Variants in RBM20 observed in about 807,000 individuals in gnomAD.
RBM20 encodes RNA-binding protein 20.
In RBM20, 51 loss-of-function variants were observed where a neutral mutation model predicts 110.1. That is an observed-to-expected ratio of 0.46 (90% CI 0.37 to 0.59). The LOEUF (loss-of-function observed/expected upper bound fraction) is 0.59. RBM20 is among the 20% of genes least tolerant of loss of function. RBM20 has a pLI of 0.00. For missense variants in RBM20, 1,512 were observed against 1,574.9 expected (o/e 0.96, Z 0.68); for synonymous variants, 589 against 618.2 (o/e 0.95, Z 0.70).
chr10:110,796,175 T>C (rs1844547816), intron 5 of RBM20, among the ~76,000 whole-genome samples: 1 of 152,226 alleles, frequency 6.6e-6, no homozygotes, highest in African/African-American at 2.4e-5. Context: ...AGGTTCAGCA[T>C]GTCTCATCTT....
rs1201270166 is a variant in RBM20 at position 110,781,706 on chromosome 10, G to A, written c.1097G>A (p.Gly366Asp). ...GACAGGACACCTCCTTCCTTCGGGGGTCGGCTTAACAACAGCAAACAGGGT... is the reference window on the plus strand; with the variant it reads ...GACAGGACACCTCCTTCCTTCGGGGATCGGCTTAACAACAGCAAACAGGGT... ...TSDRTPPSFG[G>D]RLNNSKQGFI... The change falls in exon 2 of 14, where the codon GGT becomes GAT. Residue 366 changes from glycine to aspartate, a missense_variant. Coordinates refer to ENST00000369519, the MANE Select transcript of RBM20 (RefSeq NM_001134363.3). The A allele has an allele frequency of 1.3e-6, 2 of 1,550,968 alleles. No individual in the cohort carries two copies. Among genetic ancestry groups the A allele is most frequent in the Non-Finnish European group, 1.7e-6 (2 of 1,146,304 alleles).
At chr10:110,665,846 G>A (rs1862167364) in intron 1 of RBM20, among the ~76,000 whole-genome samples, 3 of 152,154 alleles carry the variant, frequency 2.0e-5, no homozygotes, top group African/African-American at 7.2e-5. Context: ...TTGGCTGGGT[G>A]TTGTGGCTCA....
At chr10:110,669,763 C>T (rs1196500126) in intron 1 of RBM20, among the ~76,000 whole-genome samples, 1 of 152,174 alleles carries the variant, frequency 6.6e-6, no homozygotes, top group Admixed American at 6.5e-5. Context: ...CCCAGCCAAA[C>T]TGACATTTTT....
chr10:110,788,583 C>T (rs1436072363), intron 5 of RBM20, among the ~76,000 whole-genome samples: 1 of 152,182 alleles, frequency 6.6e-6, no homozygotes, highest in Non-Finnish European at 1.5e-5. Flanking sequence ...AGACGCTGGT[C>T]CCCCGGTTTG....
At chr10:110,772,145 G>A (rs370807748) in intron 1 of RBM20, among the ~76,000 whole-genome samples, 23 of 152,132 alleles carry the variant, frequency 1.5e-4, no homozygotes, top group African/African-American at 5.3e-4. Context: ...TTGCATCTCC[G>A]ACAAACCAAC....
At chr10:110,670,587 C>T (rs1271870242) in intron 1 of RBM20, among the ~76,000 whole-genome samples, 2 of 152,172 alleles carry the variant, frequency 1.3e-5, no homozygotes, top group Non-Finnish European at 2.9e-5. Context: ...CGGCTGAGAA[C>T]GGTGCTAATT....
intron 5 of RBM20, among the ~76,000 whole-genome samples, chr10:110,791,884 A>G (rs1256630758): frequency 7.3e-6 from 1 of 137,294 alleles, no homozygotes; most frequent in African/African-American, 2.6e-5. Flanking sequence ...TCTGCTGGAA[A>G]GTTTTCAGTG....
intron 1 of RBM20, among the ~76,000 whole-genome samples, chr10:110,710,496 C>CTGGG (rs57154149): frequency 0.28 from 41,941 of 151,982 alleles, 6,022 homozygotes; most frequent in East Asian, 0.32. Flanking sequence ...GGCTGCCCCA[C>CTGGG]TGGGCCTCCT....
At chr10:110,697,909 T>C (rs1462296010) in intron 1 of RBM20, among the ~76,000 whole-genome samples, 2 of 128,140 alleles carry the variant, frequency 1.6e-5, no homozygotes, top group Admixed American at 8.0e-5. Context: ...TTCTTTTTTT[T>C]TTTCTTTTTT....
chr10:110,810,817 G>GCA (rs1281159446), intron 8 of RBM20, among the ~76,000 whole-genome samples: 2 of 151,180 alleles, frequency 1.3e-5, no homozygotes, highest in African/African-American at 4.9e-5. Flanking sequence ...GTGTGTGTGC[G>GCA]TGTGTGCGTG....
chr10:110,808,060 C>G (rs879530687), intron 7 of RBM20, among the ~76,000 whole-genome samples: 3 of 152,250 alleles, frequency 2.0e-5, no homozygotes, highest in African/African-American at 7.2e-5. Context: ...TTTCAGGGAC[C>G]AGCCATCCCA....
At chr10:110,660,405 A>G (rs946186765) in intron 1 of RBM20, among the ~76,000 whole-genome samples, 4 of 152,148 alleles carry the variant, frequency 2.6e-5, no homozygotes, top group African/African-American at 7.2e-5. Context: ...GTCTTCTAGC[A>G]TAAGGATCCC....
rs986149118 is a variant in RBM20, at chr10:110,799,768, T to A, written c.1669-19T>A. The A allele has an allele frequency of 1.3e-6, 2 of 1,547,582 alleles. No individual in the cohort carries two copies. Among genetic ancestry groups the A allele is most frequent in the Non-Finnish European group, 1.7e-6 (2 of 1,145,076 alleles). On this transcript the variant is annotated intron_variant, in intron 6 of 13. Transcript: ENST00000369519. Reference sequence around the variant, plus strand: ...CCATTAAAGTCAAGTCCAGTGAGTGTCCTTCCTTTCTTTCTTAGGCCTTTT... The same window carrying A: ...CCATTAAAGTCAAGTCCAGTGAGTGACCTTCCTTTCTTTCTTAGGCCTTTT...
intron 1 of RBM20, among the ~76,000 whole-genome samples, chr10:110,657,018 ATTC>A (rs1214344077): frequency 6.9e-6 from 1 of 144,328 alleles, no homozygotes; most frequent in Admixed American, 7.0e-5. Context: ...TCATATGGTA[ATTC>A]TTTTTTTTTT....
chr10:110,827,554 C>T (rs1486915928), intron 12 of RBM20, among the ~76,000 whole-genome samples: 2 of 152,114 alleles, frequency 1.3e-5, no homozygotes, highest in East Asian at 1.9e-4. Context: ...AGTTTAAATC[C>T]CCTGTCTACT....
chr10:110,818,677 G>C (rs1286292100), intron 9 of RBM20, among the ~76,000 whole-genome samples: 2 of 152,270 alleles, frequency 1.3e-5, no homozygotes. Context: ...CGGCTAGCAA[G>C]ACTGTCCCTG....
chr10:110,665,064 A>T (rs1399027392), intron 1 of RBM20, among the ~76,000 whole-genome samples: 2 of 151,552 alleles, frequency 1.3e-5, no homozygotes, highest in African/African-American at 2.4e-5. Flanking sequence ...TTTTGTAGAG[A>T]TAGGCTCTTC....
intron 1 of RBM20, among the ~76,000 whole-genome samples, chr10:110,689,699 C>T (rs1862558399): frequency 6.6e-6 from 1 of 152,218 alleles, no homozygotes; most frequent in African/African-American, 2.4e-5. Flanking sequence ...TCTAGTCCCA[C>T]AGTGTAGAGT....
chr10:110,734,629 T>TC (rs1164881798), intron 1 of RBM20, among the ~76,000 whole-genome samples: 1 of 151,540 alleles, frequency 6.6e-6, no homozygotes, highest in African/African-American at 2.4e-5. Flanking sequence ...TTTTTTTTTT[T>TC]TTTTTTTGAG....
Sources: allele counts gnomAD v4.1 joint callset (sites outside exome capture counted in the v4.1 genomes callset), GRCh38; gene constraint gnomAD v4.1.1; transcripts MANE v1.5; gene names NCBI Gene and HGNC (gene_info 2026-07-23, HGNC 2026-07-21).